GRIK2: variants seen among roughly 807,000 people sequenced by gnomAD.
GRIK2 encodes glutamate receptor ionotropic, kainate 2.
Under a neutral mutation model 100.3 loss-of-function variants are expected in GRIK2, and 32 were observed. The ratio of observed to expected loss-of-function variants is 0.32; its 90% CI spans 0.24 to 0.43. The LOEUF is 0.43. Among genes scored for constraint, GRIK2 ranks in the 20% least tolerant of loss-of-function variants. The pLI is 1.00. For synonymous variants in GRIK2, 417 were observed against 389.4 expected (o/e 1.07, Z -0.83); for missense variants, 843 against 1,114.9 (o/e 0.76, Z 3.47).
At chr6:101,441,018 C>A (rs558164676) in intron 2 of GRIK2, among the ~76,000 whole-genome samples, 5 of 144,888 alleles carry the variant, frequency 3.5e-5, no homozygotes, top group Non-Finnish European at 6.0e-5. Flanking sequence ...TGTCTTGCTG[C>A]TCAGGACAGA....
At chr6:101,795,540 G>T (rs1187048048) in intron 7 of GRIK2, among the ~76,000 whole-genome samples, 1 of 152,212 alleles carries the variant, frequency 6.6e-6, no homozygotes, top group African/African-American at 2.4e-5. Context: ...GTTCAGTAGT[G>T]GCAGCAGTGG....
chr6:101,801,767 T>A (rs1484505652), intron 8 of GRIK2, among the ~76,000 whole-genome samples: 2 of 151,882 alleles, frequency 1.3e-5, no homozygotes, highest in African/African-American at 4.8e-5. Context: ...GATTATTATA[T>A]TCCCATCTCC....
At chr6:101,727,933 AATG>A in intron 7 of GRIK2, among the ~76,000 whole-genome samples, 1 of 152,198 alleles carries the variant, frequency 6.6e-6, no homozygotes, top group Non-Finnish European at 1.5e-5. Context: ...TAGCACAAAA[AATG>A]ATAAAATAAT....
chr6:101,689,533 C>T (rs1023809343), intron 7 of GRIK2, among the ~76,000 whole-genome samples: 7 of 152,086 alleles, frequency 4.6e-5, no homozygotes, highest in African/African-American at 1.4e-4. Context: ...AAAACCACTT[C>T]GCTTGCCATT....
chr6:101,957,853 T>C (rs1360321425), intron 14 of GRIK2, among the ~76,000 whole-genome samples: 3 of 152,224 alleles, frequency 2.0e-5, no homozygotes, highest in East Asian at 3.9e-4. Flanking sequence ...TGTGGCTTTA[T>C]TGATGTATTC....
At chr6:101,855,436 A>G (rs921575935) in intron 10 of GRIK2, among the ~76,000 whole-genome samples, 5 of 152,172 alleles carry the variant, frequency 3.3e-5, no homozygotes, top group African/African-American at 9.7e-5. Flanking sequence ...TAACATATAT[A>G]TGCGGTTTCT....
chr6:101,796,341 A>G (rs562649930), intron 7 of GRIK2, among the ~76,000 whole-genome samples: 1 of 152,340 alleles, frequency 6.6e-6, no homozygotes, highest in African/African-American at 2.4e-5. Context: ...AGATTTTCAC[A>G]TATTTGTGAG....
intron 2 of GRIK2, among the ~76,000 whole-genome samples, chr6:101,588,105 C>T (rs1379912857): frequency 1.3e-5 from 2 of 152,008 alleles, no homozygotes; most frequent in African/African-American, 4.8e-5. Flanking sequence ...TAGACATTTC[C>T]ATTAGTCTTT....
chr6:101,635,841 T>C (rs1455073084), intron 4 of GRIK2, among the ~76,000 whole-genome samples: 2 of 152,058 alleles, frequency 1.3e-5, no homozygotes, highest in African/African-American at 4.8e-5. Flanking sequence ...CATTAAAAAG[T>C]CAGGAAACAA....
At chr6:101,626,247 G>A (rs747547309) in intron 3 of GRIK2, 133 bp from the exon 4 acceptor site, 5 of 802,750 alleles carry the variant, frequency 6.2e-6, no homozygotes, top group Non-Finnish European at 9.9e-6. Flanking sequence ...TTAGTGAAAA[G>A]TAGATATATA....
At chr6:101,749,310 T>C (rs563388169) in intron 7 of GRIK2, among the ~76,000 whole-genome samples, 1 of 152,268 alleles carries the variant, frequency 6.6e-6, no homozygotes, top group Admixed American at 6.5e-5. Context: ...GATTTCACCA[T>C]GTTGGCCAGG....
chr6:101,492,566 A>G (rs767504245), intron 2 of GRIK2, among the ~76,000 whole-genome samples: 3 of 151,930 alleles, frequency 2.0e-5, no homozygotes, highest in Admixed American at 1.3e-4. Context: ...TATCTTTTTG[A>G]TATGGCTTCT....
At chr6:101,786,067 T>C (rs1779404170) in intron 7 of GRIK2, among the ~76,000 whole-genome samples, 1 of 152,104 alleles carries the variant, frequency 6.6e-6, no homozygotes, top group East Asian at 1.9e-4. Context: ...TTTTTTACTT[T>C]TTGTTGGTAG....
At chr6:101,584,945 G>T (rs1042518098) in intron 2 of GRIK2, among the ~76,000 whole-genome samples, 1 of 151,836 alleles carries the variant, frequency 6.6e-6, no homozygotes, top group Non-Finnish European at 1.5e-5. Context: ...TCAGTAAGTG[G>T]AGATGTAACT....
chr6:101,706,637 C>G (rs1773316924), intron 7 of GRIK2, among the ~76,000 whole-genome samples: 1 of 151,838 alleles, frequency 6.6e-6, no homozygotes, highest in Non-Finnish European at 1.5e-5. Flanking sequence ...GGTCTGAAAC[C>G]TGTAAAAGGA....
chr6:101,963,673 A>C (rs11156164), intron 14 of GRIK2, among the ~76,000 whole-genome samples: 11,074 of 151,460 alleles, frequency 0.073, 559 homozygotes, highest in Middle Eastern at 0.19. Flanking sequence ...TTAATATAGA[A>C]ACAATCCTAG....
Position 101,477,604 on chromosome 6 carries a change from A to T in GRIK2, c.115+78212A>T, listed in dbSNP as rs1417478553. ...ATGGTGAGGCAGGGTACTTACGTTC[A>T]TTCTAGAGGTTTATTCATATCTGCC... On this transcript the variant is annotated intron_variant, in intron 2 of 16. Transcript: ENST00000369134. Among the ~76,000 whole-genome samples the T allele has an allele frequency of 2.6e-5, 4 of 152,276 alleles. No individual in the cohort carries two copies. The South Asian group carries it at 6.2e-4, about 24-fold the overall frequency.
intron 2 of GRIK2, among the ~76,000 whole-genome samples, chr6:101,420,848 AC>A (rs1440661824): frequency 1.3e-5 from 2 of 152,154 alleles, no homozygotes; most frequent in African/African-American, 4.8e-5. Flanking sequence ...CTAGGTCTCT[AC>A]CAAAAGAATG....
chr6:101,689,645 A>G (rs1283424274), intron 7 of GRIK2, among the ~76,000 whole-genome samples: 1 of 152,122 alleles, frequency 6.6e-6, no homozygotes, highest in Non-Finnish European at 1.5e-5. Context: ...CAACCAAGGA[A>G]CCAACTCACA....
Sources: gnomAD v4.1 joint callset for allele counts (sites outside exome capture counted in the v4.1 genomes callset) on GRCh38, gnomAD v4.1.1 for gene constraint, MANE v1.5 for transcripts, NCBI Gene and HGNC (gene_info 2026-07-23, HGNC 2026-07-21) for gene names.